The following THSD7B variants were observed in gnomAD, a reference collection of about 807,000 sequenced individuals.
The protein encoded by THSD7B is thrombospondin type-1 domain-containing protein 7B.
THSD7B carries 138 observed loss-of-function variants against 213.6 expected under a neutral mutation model. The observed-to-expected ratio is 0.65, with a 90% confidence interval of 0.56 to 0.74. THSD7B has a LOEUF of 0.74. Ranked by LOEUF, THSD7B falls within the 30% of genes least tolerant of loss-of-function variation. The pLI is 0.00. For missense variants in THSD7B, 1,931 were observed against 1,991.5 expected, an observed-to-expected ratio of 0.97 and a Z score of 0.58; for synonymous variants, 742 against 687.0, an observed-to-expected ratio of 1.08 and a Z score of -1.25.
chr2:137,446,947 G>T (rs1194990208), intron 14 of THSD7B, among the ~76,000 whole-genome samples: 1 of 152,044 alleles, frequency 6.6e-6, no homozygotes, highest in Non-Finnish European at 1.5e-5. Flanking sequence ...ATCATATTCT[G>T]TTGCCAAAAA....
rs766206018 is a variant in THSD7B at position 137,411,822 on chromosome 2, G to A, written c.2909G>A (p.Cys970Tyr). 5.0e-6 allele frequency: 8 copies of A among 1,614,024 alleles called. No homozygotes were observed. Among genetic ancestry groups the A allele is most frequent in the Non-Finnish European group, 6.8e-6 (8 of 1,179,902 alleles). Residue 970 changes from cysteine (C) to tyrosine (Y), a missense_variant, in exon 14 of 28, where the codon TGT (cysteine) becomes TAT (tyrosine). Cys to Tyr is a radical substitution (Grantham distance 194). Transcript: ENST00000409968. ...GEGLRFRAVA[C>Y]SDKNGRPVDP... is the part of the protein sequence containing the mutation. ...GGCCTGCGCTTTCGAGCAGTAGCCT[G>A]TTCTGATAAAAATGGAAGACCTGTT...
At chr2:137,225,072 A>G (rs925666432) in intron 7 of THSD7B, among the ~76,000 whole-genome samples, 2 of 151,994 alleles carry the variant, frequency 1.3e-5, no homozygotes, top group Admixed American at 6.6e-5. Context: ...TAGAACTTCA[A>G]TGTTTTTCAC....
intron 5 of THSD7B, among the ~76,000 whole-genome samples, chr2:137,138,984 C>T (rs1188955534): frequency 2.0e-5 from 3 of 151,942 alleles, no homozygotes; most frequent in African/African-American, 7.2e-5. Context: ...CCCTACTGTC[C>T]CTAAGTATTT....
chr2:137,199,407 G>T (rs1387802108), intron 7 of THSD7B, among the ~76,000 whole-genome samples: 1 of 152,052 alleles, frequency 6.6e-6, no homozygotes, highest in African/African-American at 2.4e-5. Flanking sequence ...CTTCCCTCTA[G>T]TCCCAGTAAT....
intron 12 of THSD7B, among the ~76,000 whole-genome samples, chr2:137,404,583 G>T (rs1686465452): frequency 7.0e-6 from 1 of 143,402 alleles, no homozygotes; most frequent in African/African-American, 2.6e-5. Context: ...TATATACACA[G>T]ATACTATATA....
chr2:137,356,971 C>G (rs979508584), intron 12 of THSD7B, among the ~76,000 whole-genome samples: 104 of 79,132 alleles, frequency 1.3e-3, no homozygotes, highest in African/African-American at 5.0e-3. Flanking sequence ...CACACAGACA[C>G]ACACACACAC....
chr2:136,983,371 G>GACACACACACA (rs1398395384), intron 2 of THSD7B, among the ~76,000 whole-genome samples: 1 of 141,110 alleles, frequency 7.1e-6, no homozygotes, highest in Non-Finnish European at 1.5e-5. Context: ...ACACACACAC[G>GACACACACACA]CACACACACT....
chr2:137,193,257 G>A (rs1298680130), intron 7 of THSD7B, among the ~76,000 whole-genome samples: 11 of 152,092 alleles, frequency 7.2e-5, no homozygotes, highest in Non-Finnish European at 8.8e-5. Context: ...ACATTCATGT[G>A]GATGTGTAAC....
chr2:137,089,971 C>A (rs1687919392), intron 3 of THSD7B, among the ~76,000 whole-genome samples: 1 of 151,882 alleles, frequency 6.6e-6, no homozygotes, highest in South Asian at 2.1e-4. Context: ...TGTGCCACTG[C>A]ACTCCAGCCT....
In THSD7B at chr2:136,892,358, C is replaced by A. The variant is rs1023739902; in HGVS notation, c.139+10041C>A. Among the ~76,000 whole-genome samples, 3 of 152,236 alleles carry A rather than the reference C, an allele frequency of 2.0e-5. 1 individual carries two copies. The highest frequency in any genetic ancestry group is 6.8e-3 in the Middle Eastern group (2 of 294). ...GTGAGAAGATAGTTACCTGGCCACTCCTAGCCACAAGGGAAGGTGAGTCTG... is the reference window on the plus strand; with the variant it reads ...GTGAGAAGATAGTTACCTGGCCACTACTAGCCACAAGGGAAGGTGAGTCTG... On this transcript the variant is annotated intron_variant, in intron 2 of 27. Transcript: ENST00000409968.
At chr2:136,921,296 T>C (rs958714485) in intron 2 of THSD7B, among the ~76,000 whole-genome samples, 1 of 151,838 alleles carries the variant, frequency 6.6e-6, no homozygotes, top group Non-Finnish European at 1.5e-5. Flanking sequence ...CTTAGTTATA[T>C]CTATATATCT....
intron 2 of THSD7B, among the ~76,000 whole-genome samples, chr2:136,971,778 GA>G (rs1158149897): frequency 3.3e-5 from 5 of 151,734 alleles, no homozygotes; most frequent in Non-Finnish European, 7.4e-5. Flanking sequence ...AACTATAACA[GA>G]AAATGCCAAC....
intron 22 of THSD7B, 100 bp downstream of exon 22, chr2:137,655,760 T>TA: frequency 7.5e-7 from 1 of 1,337,966 alleles, no homozygotes; most frequent in Non-Finnish European, 1.0e-6. Context: ...AAATTAAAGT[T>TA]TTTAAATAAC....
At chr2:137,334,545 G>A (rs1266574734) in intron 12 of THSD7B, among the ~76,000 whole-genome samples, 2 of 151,938 alleles carry the variant, frequency 1.3e-5, no homozygotes, top group African/African-American at 4.8e-5. Context: ...TTCATCCTCG[G>A]ATTCCTCCAT....
intron 21 of THSD7B, among the ~76,000 whole-genome samples, chr2:137,652,430 G>A (rs1329888269): frequency 6.6e-6 from 1 of 151,816 alleles, no homozygotes; most frequent in Admixed American, 6.6e-5. Flanking sequence ...CACTTTCAAT[G>A]TCTTTCACTA....
intron 2 of THSD7B, among the ~76,000 whole-genome samples, chr2:136,903,357 A>G (rs557269): frequency 0.4 from 60,487 of 151,942 alleles, 14,250 homozygotes; most frequent in Non-Finnish European, 0.54. Context: ...GGTTATAAGG[A>G]GATAACATGG....
At chr2:137,210,409 G>T (rs868336580) in intron 7 of THSD7B, among the ~76,000 whole-genome samples, 9 of 152,148 alleles carry the variant, frequency 5.9e-5, no homozygotes, top group Non-Finnish European at 1.0e-4. Flanking sequence ...ATGGGGAAAA[G>T]AAGTATTCTA....
chr2:136,774,260 T>G (rs2558096), intron 1 of THSD7B, among the ~76,000 whole-genome samples: 90,124 of 151,812 alleles, frequency 0.59, 26,889 homozygotes, highest in East Asian at 0.69. Context: ...ATATTTCTCA[T>G]CCCTCTTTTA....
At chr2:137,665,719 C>A (rs371429536) in intron 26 of THSD7B, among the ~76,000 whole-genome samples, 1 of 151,908 alleles carries the variant, frequency 6.6e-6, no homozygotes, top group East Asian at 1.9e-4. Context: ...CTTATTATAG[C>A]AAATGAATGA....
Sources: gnomAD v4.1 joint callset for allele counts (sites outside exome capture counted in the v4.1 genomes callset) on GRCh38, gnomAD v4.1.1 for gene constraint, MANE v1.5 for transcripts, NCBI Gene and HGNC (gene_info 2026-07-23, HGNC 2026-07-21) for gene names.